LRRC4C: variants seen among roughly 807,000 people sequenced by gnomAD.
The protein encoded by LRRC4C is leucine-rich repeat-containing protein 4C.
A neutral mutation model predicts 33.6 loss-of-function variants in LRRC4C; 5 were observed. The observed-to-expected ratio is 0.15, with a 90% CI of 0.08 to 0.31. The LOEUF (loss-of-function observed/expected upper bound fraction) is 0.31. Among genes scored for constraint, LRRC4C ranks in the 10% least tolerant of loss-of-function variants. The probability of loss-of-function intolerance (pLI) is 1.00; values close to 1 mark genes in which losing one functional copy is unlikely to be tolerated. For missense variants in LRRC4C, 560 were observed against 796.7 expected, an observed-to-expected ratio of 0.70 and a Z score of 3.58; for synonymous variants, 329 against 302.0, an observed-to-expected ratio of 1.09 and a Z score of -0.93.
chr11:40,192,469 A>T (rs1326557119), intron 5 of LRRC4C, among the ~76,000 whole-genome samples: 1 of 152,188 alleles, frequency 6.6e-6, no homozygotes, highest in African/African-American at 2.4e-5. Flanking sequence ...AGACCAGGAG[A>T]TTCCCTTGGG....
intron 3 of LRRC4C, among the ~76,000 whole-genome samples, chr11:40,363,377 G>A (rs937223992): frequency 3.7e-4 from 57 of 152,090 alleles, no homozygotes; most frequent in Admixed American, 3.3e-3. Context: ...TGAACACATA[G>A]AGGGGAACAA....
chr11:40,688,525 T>C (rs1424794456), intron 2 of LRRC4C, among the ~76,000 whole-genome samples: 4 of 152,248 alleles, frequency 2.6e-5, no homozygotes, highest in Non-Finnish European at 4.4e-5. Flanking sequence ...TGGGCTCTCA[T>C]ACACTAGGAG....
chr11:41,054,833 T>C (rs1178214151), intron 1 of LRRC4C, among the ~76,000 whole-genome samples: 2 of 152,086 alleles, frequency 1.3e-5, no homozygotes, highest in Non-Finnish European at 2.9e-5. Context: ...GTGTGATGAG[T>C]GTTGTAAAAA....
Position 40,947,543 on chromosome 11 carries a change from C to T in LRRC4C, c.-495-13820G>A, listed in dbSNP as rs531391847. On this transcript the variant is annotated intron_variant, in intron 1 of 6. Transcript: ENST00000528697. The stretch of plus-strand genomic sequence containing the variant: ...TGGTGGGAATAGGAATTCTTCCTAA[C>T]CAAAGAGTGAGTGTAGGGCACTATC... Among the ~76,000 whole-genome samples, 90 of 152,212 alleles carry T rather than the reference C, an allele frequency of 5.9e-4. 1 individual carries two copies. Among genetic ancestry groups the T allele is most frequent in the African/African-American group, 2.1e-3 (87 of 41,536 alleles).
intron 3 of LRRC4C, among the ~76,000 whole-genome samples, chr11:40,429,924 T>C (rs1218561032): frequency 6.6e-6 from 1 of 152,196 alleles, no homozygotes; most frequent in African/African-American, 2.4e-5. Flanking sequence ...AAATATGACC[T>C]AAGCTATTAA....
At chr11:41,352,754 A>G (rs1952025433) in intron 1 of LRRC4C, among the ~76,000 whole-genome samples, 2 of 152,286 alleles carry the variant, frequency 1.3e-5, no homozygotes, top group African/African-American at 4.8e-5. Context: ...AAAGTACACA[A>G]TCTACTCCTG....
At chr11:40,525,146 A>C (rs1053820322) in intron 3 of LRRC4C, among the ~76,000 whole-genome samples, 9 of 152,106 alleles carry the variant, frequency 5.9e-5, no homozygotes, top group Non-Finnish European at 1.0e-4. Flanking sequence ...GAGAGAAATA[A>C]GGCTTAAGAA....
intron 1 of LRRC4C, among the ~76,000 whole-genome samples, chr11:41,013,120 G>A (rs1839731787): frequency 6.6e-6 from 1 of 152,168 alleles, no homozygotes; most frequent in Admixed American, 6.5e-5. Context: ...GAGTCACATA[G>A]TTCCTTTGGG....
chr11:40,791,126 C>T (rs959908845), intron 2 of LRRC4C, among the ~76,000 whole-genome samples: 7 of 152,136 alleles, frequency 4.6e-5, no homozygotes, highest in Non-Finnish European at 5.9e-5. Flanking sequence ...CCACCTCTTC[C>T]AGAGGTGCTC....
rs558001849 is a variant in LRRC4C, at chr11:41,398,330, C to T, written c.-496+61101G>A. On this transcript the variant is annotated intron_variant, in intron 1 of 6. Coordinates refer to ENST00000528697, the MANE Select transcript of LRRC4C (RefSeq NM_001258419.2). ...CAGGGTGTGAATGTAGTACGTACCA[C>T]CTACAAATATGTGACTAATGCAGAA... Among the ~76,000 whole-genome samples the T allele has an allele frequency of 3.3e-5, 5 of 151,970 alleles. No homozygotes were observed. In the South Asian group the frequency reaches 1.0e-3, roughly 31 times the overall value.
At chr11:40,571,634 A>G (rs1957987273) in intron 3 of LRRC4C, among the ~76,000 whole-genome samples, 1 of 152,168 alleles carries the variant, frequency 6.6e-6, no homozygotes, top group Non-Finnish European at 1.5e-5. Flanking sequence ...CTGTAATTAG[A>G]AATAGCCCAG....
intron 3 of LRRC4C, among the ~76,000 whole-genome samples, chr11:40,361,292 G>C (rs919201993): frequency 5.1e-4 from 77 of 152,250 alleles, no homozygotes; most frequent in African/African-American, 1.8e-3. Flanking sequence ...GATAGAAAGA[G>C]AGGAAGTCAA....
chr11:40,169,560 T>G, intron 5 of LRRC4C, among the ~76,000 whole-genome samples: 1 of 152,326 alleles, frequency 6.6e-6, no homozygotes, highest in South Asian at 2.1e-4. Flanking sequence ...AGTACAACTA[T>G]ATATATGCAC....
At chr11:41,099,839 G>T (rs1212460905) in intron 1 of LRRC4C, among the ~76,000 whole-genome samples, 1 of 151,996 alleles carries the variant, frequency 6.6e-6, no homozygotes, top group East Asian at 1.9e-4. Context: ...TCTGGCCAGA[G>T]CAGTCAGCCA....
At chr11:41,380,837 T>G (rs1021675261) in intron 1 of LRRC4C, among the ~76,000 whole-genome samples, 1 of 152,166 alleles carries the variant, frequency 6.6e-6, no homozygotes, top group Non-Finnish European at 1.5e-5. Flanking sequence ...TGTCTCTCTC[T>G]CTTTCTCTCT....
At chr11:40,606,658 A>G (rs1960637431) in intron 3 of LRRC4C, among the ~76,000 whole-genome samples, 1 of 152,152 alleles carries the variant, frequency 6.6e-6, no homozygotes, top group African/African-American at 2.4e-5. Context: ...ATGAAGAAGA[A>G]TATCAACAAA....
chr11:41,026,418 T>A (rs1168860819), intron 1 of LRRC4C, among the ~76,000 whole-genome samples: 2 of 151,528 alleles, frequency 1.3e-5, no homozygotes, highest in African/African-American at 4.8e-5. Flanking sequence ...AATCTTAGGA[T>A]CAAACTTTAA....
At chr11:41,404,507 G>C (rs868300814) in intron 1 of LRRC4C, among the ~76,000 whole-genome samples, 23 of 142,394 alleles carry the variant, frequency 1.6e-4, no homozygotes, top group African/African-American at 5.6e-4. Flanking sequence ...TATACACACA[G>C]ACACACACAC....
chr11:40,395,046 A>T (rs1949486576), intron 3 of LRRC4C, among the ~76,000 whole-genome samples: 1 of 152,172 alleles, frequency 6.6e-6, no homozygotes, highest in Non-Finnish European at 1.5e-5. Flanking sequence ...ATAATTATAT[A>T]GACTTTGATA....
Sources: allele counts gnomAD v4.1 joint callset (sites outside exome capture counted in the v4.1 genomes callset), GRCh38; gene constraint gnomAD v4.1.1; transcripts MANE v1.5; gene names NCBI Gene and HGNC (gene_info 2026-07-23, HGNC 2026-07-21).